The following KCNAB2 variants were observed in gnomAD, a reference collection of about 807,000 sequenced individuals.
KCNAB2 encodes the protein voltage-gated potassium channel subunit beta-2.
KCNAB2 carries 29 observed loss-of-function variants against 63.6 expected under a neutral mutation model. That is an observed-to-expected ratio of 0.46 (90% CI 0.34 to 0.62). The LOEUF (loss-of-function observed/expected upper bound fraction) is 0.62. KCNAB2 is among the 20% of genes least tolerant of loss of function. The pLI, the probability that KCNAB2 is intolerant of heterozygous loss-of-function variation, is 0.01. For missense variants in KCNAB2, 359 were observed against 563.9 expected (o/e 0.64, Z 3.68); for synonymous variants, 222 against 224.2 (o/e 0.99, Z 0.09).
At chr1:6,009,276 TG>T (rs1442938470) in intron 1 of KCNAB2, among the ~76,000 whole-genome samples, 1 of 152,218 alleles carries the variant, frequency 6.6e-6, no homozygotes, top group Non-Finnish European at 1.5e-5. Context: ...GGTATGCCCA[TG>T]GGGGCATCCA....
chr1:6,030,477 A>T (rs1211061313), upstream of KCNAB2, among the ~76,000 whole-genome samples: 1 of 151,062 alleles, frequency 6.6e-6, no homozygotes, highest in Non-Finnish European at 1.5e-5. Flanking sequence ...GTATGTGCAT[A>T]TGTACGTGTG....
intron 2 of KCNAB2, among the ~76,000 whole-genome samples, chr1:6,062,132 G>A (rs1232395727): frequency 1.3e-5 from 2 of 152,112 alleles, no homozygotes; most frequent in African/African-American, 4.8e-5. Flanking sequence ...GACCAACATG[G>A]AGAAACTCTG....
At chr1:6,004,455 A>G (rs1657438946) in intron 1 of KCNAB2, among the ~76,000 whole-genome samples, 1 of 152,080 alleles carries the variant, frequency 6.6e-6, no homozygotes. Context: ...CTCATGGATC[A>G]GGAAGCCAGA....
intron 15 of KCNAB2, 71 bp from the exon 16 acceptor site, chr1:6,098,414 G>A: frequency 6.3e-7 from 1 of 1,594,056 alleles, no homozygotes. Context: ...GAAGAGCCTG[G>A]CCCCACCTCC....
rs1017569079 is a variant in KCNAB2 at position 6,046,203 on chromosome 1, G to A, written c.-27+20G>A. The A allele has an allele frequency of 3.0e-6, 3 of 985,168 alleles. No individual in the cohort carries two copies. The highest frequency in any genetic ancestry group is 1.7e-5 in the African/African-American group (1 of 57,236). The allele number at this position is 985,168 out of a possible 1,614,324, so 61.0% of individuals were successfully genotyped here. ...AGGCAGGTGAGTCCTCCCTTCAGCC[G>A]CTACCTTCCTAGTGGAGATGCCGCT... On this transcript the variant is annotated intron_variant, in intron 1 of 15. Transcript: ENST00000378083.
rs908446535 is a variant in KCNAB2, at chr1:6,086,888, C to T, written c.426-579C>T. 6.6e-6 allele frequency among the ~76,000 whole-genome samples: 1 copy of T among 151,744 alleles called. No individual in the cohort carries two copies. The highest frequency in any genetic ancestry group is 2.4e-5 in the African/African-American group (1 of 41,288). On this transcript the variant is annotated intron_variant, in intron 6 of 15. Transcript: ENST00000378083. The surrounding 1 kb of genome is among the most constrained non-coding windows in gnomAD (Gnocchi z 4.2). Reference sequence around the variant, plus strand: ...CCGACCAGGCCGTCCTTATGCCTCCCCTCCCTCCCTTGGTGCCCCTCAAGT... The same window carrying T: ...CCGACCAGGCCGTCCTTATGCCTCCTCTCCCTCCCTTGGTGCCCCTCAAGT...
At position 6,071,510 on chromosome 1, in the gene KCNAB2, G is replaced by A. The variant is rs1404675154; in HGVS notation, c.219-1245G>A. Among the ~76,000 whole-genome samples, 1 of 152,208 alleles carries A rather than the reference G, an allele frequency of 6.6e-6. No homozygotes were observed. Among genetic ancestry groups the A allele is most frequent in the Admixed American group, 6.5e-5 (1 of 15,288 alleles). On this transcript the variant is annotated intron_variant, in intron 2 of 15. Coordinates refer to ENST00000378083, the MANE Select transcript of KCNAB2 (RefSeq NM_001199862.2). This position sits in a 1 kb window ranked among gnomAD's most constrained non-coding sequence, Gnocchi z 8.5. ...CCCTGCTTAACAGGCTGGGGTGTGG[G>A]ATGCATGCCACCATGGTGGGGAACG...
upstream of KCNAB2, chr1:6,041,328 C>A (rs1028123952): frequency 4.6e-5 from 8 of 174,714 alleles, no homozygotes; most frequent in Non-Finnish European, 9.8e-5. Context: ...GGAAGCCAGA[C>A]CTTTCCGGAT....
chr1:6,080,795 G>A (rs72862379), intron 4 of KCNAB2, among the ~76,000 whole-genome samples: 5,993 of 152,252 alleles, frequency 0.039, 380 homozygotes, highest in African/African-American at 0.14. Context: ...TGGCTACTCC[G>A]TCCTCACTCT....
Position 6,093,035 on chromosome 1 carries a change from C to T in KCNAB2, c.647-1365C>T, listed in dbSNP as rs912148859. On this transcript the variant is annotated intron_variant, in intron 10 of 15. Coordinates refer to ENST00000378083, the MANE Select transcript of KCNAB2 (RefSeq NM_001199862.2). ...GAGCGACCCCCAAAACAGAAGTGGA[C>T]GGGAAGCCAGCACTGCCACTTTGTG... Among the ~76,000 whole-genome samples, 6 of 152,348 alleles carry T rather than the reference C, an allele frequency of 3.9e-5. No individual in the cohort carries two copies. The South Asian group carries it at 6.2e-4, about 16-fold the overall frequency.
chr1:6,038,854 G>A (rs1302759521), intron 1 of KCNAB2, among the ~76,000 whole-genome samples: 1 of 152,236 alleles, frequency 6.6e-6, no homozygotes, highest in African/African-American at 2.4e-5. Flanking sequence ...CAACTTCATG[G>A]GTTGCTGTGG....
chr1:6,073,139 A>G lies in KCNAB2; in HGVS notation c.262+341A>G, dbSNP rs1328009742. 2.0e-5 allele frequency among the ~76,000 whole-genome samples: 3 copies of G among 152,084 alleles called. No individual in the cohort carries two copies. Among genetic ancestry groups the G allele is most frequent in the African/African-American group, 4.8e-5 (2 of 41,392 alleles). On this transcript the variant is annotated intron_variant, in intron 3 of 15. Coordinates refer to ENST00000378083, the MANE Select transcript of KCNAB2 (RefSeq NM_001199862.2). This position sits in a 1 kb window ranked among gnomAD's most constrained non-coding sequence, Gnocchi z 5.7. ...ACGAAGACACCTTACCTTCCAAGGC[A>G]GGCTCAGCTCGTGAGTCCCTCCTGG...
intron 4 of KCNAB2, among the ~76,000 whole-genome samples, chr1:6,079,519 C>T (rs1304317144): frequency 7.2e-6 from 1 of 139,850 alleles, no homozygotes; most frequent in Non-Finnish European, 1.6e-5. Flanking sequence ...ACTCCATCTC[C>T]CAAAAAAAAA....
chr1:6,017,175 G>A (rs1658555477), intron 1 of KCNAB2, among the ~76,000 whole-genome samples: 3 of 152,198 alleles, frequency 2.0e-5, no homozygotes, highest in South Asian at 2.1e-4. Context: ...GGTGCGTAGA[G>A]CAGAGGTGTA....
chr1:6,024,303 C>T lies in KCNAB2; in HGVS notation c.-52-16214C>T, dbSNP rs2100345304. The stretch of plus-strand genomic sequence containing the variant: ...GTCTCACTATGTTGCCCAGACTGGT[C>T]TCGAACTCCTGGCCTCAAGCAATCC... On this transcript the variant is annotated intron_variant, in intron 1 of 16. Transcript: ENST00000341524. The surrounding 1 kb of genome is among the most constrained non-coding windows in gnomAD (Gnocchi z 5.4). Among the ~76,000 whole-genome samples, 1 of 152,196 alleles carries T rather than the reference C, an allele frequency of 6.6e-6. No individual in the cohort carries two copies. Among genetic ancestry groups the T allele is most frequent in the African/African-American group, 2.4e-5 (1 of 41,526 alleles).
intron 2 of KCNAB2, among the ~76,000 whole-genome samples, chr1:6,065,853 C>T (rs944409052): frequency 6.6e-6 from 1 of 152,212 alleles, no homozygotes; most frequent in Non-Finnish European, 1.5e-5. Context: ...GTACCTCGGG[C>T]CTGGAAATGT....
chr1:6,088,229 TCTC>T (rs1244324942), intron 7 of KCNAB2, among the ~76,000 whole-genome samples: 4 of 119,422 alleles, frequency 3.3e-5, no homozygotes, highest in South Asian at 5.1e-4. Flanking sequence ...TTTCTCTCTC[TCTC>T]TTTTTTTTTT....
intron 2 of KCNAB2, among the ~76,000 whole-genome samples, chr1:6,060,866 G>T: frequency 7.3e-6 from 1 of 136,372 alleles, no homozygotes; most frequent in South Asian, 2.2e-4. Flanking sequence ...TCGCACCACT[G>T]CACTCCAGCC....
intron 4 of KCNAB2, among the ~76,000 whole-genome samples, chr1:6,079,635 G>A (rs903474033): frequency 1.3e-5 from 2 of 152,158 alleles, no homozygotes; most frequent in African/African-American, 2.4e-5. Flanking sequence ...AGGACACACG[G>A]TGTGACTGCA....
Sources: gnomAD v4.1 joint callset for allele counts (sites outside exome capture counted in the v4.1 genomes callset) on GRCh38, gnomAD v4.1.1 for gene constraint, Gnocchi (gnomAD v3.1) non-coding constraint, MANE v1.5 for transcripts, NCBI Gene and HGNC (gene_info 2026-07-23, HGNC 2026-07-21) for gene names.